MOB3B: variants seen among roughly 807,000 people sequenced by gnomAD.
The protein encoded by MOB3B is MOB kinase activator 3B, also known as MOB kinase activator-like 2B.
A neutral mutation model predicts 18.7 loss-of-function variants in MOB3B; 7 were observed. That is an observed-to-expected ratio of 0.37 (90% CI 0.21 to 0.70). The LOEUF (loss-of-function observed/expected upper bound fraction) is 0.70, where lower values mean the gene tolerates loss of function less well. MOB3B is among the 30% of genes least tolerant of loss of function. The pLI, the probability that MOB3B is intolerant of heterozygous loss-of-function variation, is 0.52. For missense variants in MOB3B, 253 were observed against 281.3 expected, an observed-to-expected ratio of 0.90 and a Z score of 0.72; for synonymous variants, 111 against 99.9, an observed-to-expected ratio of 1.11 and a Z score of -0.66.
chr9:27,524,800 C>T, intron 1 of MOB3B: 6 of 1,614,010 alleles, frequency 3.7e-6, no homozygotes, highest in Admixed American at 1.7e-5. Context: ...GCCAGGGTCC[C>T]CCAGCTGAGC....
chr9:27,469,811 C>T (rs377582036), intron 1 of MOB3B, among the ~76,000 whole-genome samples: 4 of 152,022 alleles, frequency 2.6e-5, no homozygotes, highest in East Asian at 3.9e-4. Context: ...TCGTGCCAGG[C>T]GTGGTAGCTG....
At chr9:27,349,786 A>G (rs1290862880) in intron 3 of MOB3B, among the ~76,000 whole-genome samples, 1 of 152,204 alleles carries the variant, frequency 6.6e-6, no homozygotes, top group Non-Finnish European at 1.5e-5. Flanking sequence ...ATTTATTCCT[A>G]TCAATAAAGT....
chr9:27,416,813 G>A (rs561956550), intron 2 of MOB3B, among the ~76,000 whole-genome samples: 5 of 152,104 alleles, frequency 3.3e-5, no homozygotes, highest in Non-Finnish European at 7.4e-5. Flanking sequence ...TGGGATTACC[G>A]GCATGAGCCA....
intron 1 of MOB3B, among the ~76,000 whole-genome samples, chr9:27,466,889 A>G (rs901925902): frequency 2.0e-5 from 3 of 152,210 alleles, no homozygotes; most frequent in African/African-American, 7.2e-5. Flanking sequence ...GGACACAGCC[A>G]AACCATATCA....
intron 1 of MOB3B, among the ~76,000 whole-genome samples, chr9:27,505,938 G>A (rs1011188566): frequency 6.6e-6 from 1 of 152,172 alleles, no homozygotes; most frequent in Non-Finnish European, 1.5e-5. Flanking sequence ...AGGAAATAAC[G>A]TGTCACCAAT....
At chr9:27,337,265 T>A (rs1480359940) in intron 3 of MOB3B, among the ~76,000 whole-genome samples, 2 of 152,234 alleles carry the variant, frequency 1.3e-5, no homozygotes, top group African/African-American at 2.4e-5. Flanking sequence ...AAGCCTTTCG[T>A]CTCACAAATT....
intron 1 of MOB3B, among the ~76,000 whole-genome samples, chr9:27,460,919 T>A (rs973974683): frequency 1.3e-5 from 2 of 152,208 alleles, no homozygotes; most frequent in Non-Finnish European, 2.9e-5. Flanking sequence ...AAAGTGGATC[T>A]CCTGTCTTCA....
intron 2 of MOB3B, chr9:27,397,275 C>T (rs112619315): frequency 3.4e-5 from 5 of 149,126 alleles, no homozygotes; most frequent in Admixed American, 1.3e-4. Context: ...TGAGACACTA[C>T]GATTATGAGT....
chr9:27,367,026 GC>G (rs1387079874), intron 2 of MOB3B, among the ~76,000 whole-genome samples: 15 of 152,200 alleles, frequency 9.9e-5, no homozygotes, highest in Admixed American at 9.2e-4. Context: ...CTCCAGACTG[GC>G]CACTCTGTGA....
rs1419061085 is a variant in MOB3B, at chr9:27,357,150, T to TG, written c.621+1883_621+1884insC. On this transcript the variant is annotated intron_variant, in intron 3 of 3. Coordinates refer to ENST00000262244, the MANE Select transcript of MOB3B (RefSeq NM_024761.5). ...TATATATATATATATATATATGTGTTTTTTTTTTTGCCATATATTCTCACA... is the reference window on the plus strand; with the variant it reads ...TATATATATATATATATATATGTGTTGTTTTTTTTTGCCATATATTCTCACA... Among the ~76,000 whole-genome samples the TG allele has an allele frequency of 4.6e-3, 275 of 60,146 alleles. 22 individuals are homozygous for TG. Among genetic ancestry groups the TG allele is most frequent in the South Asian group, 0.015 (17 of 1,102 alleles). The allele number at this position is 60,146 out of a possible 152,430, so 39.5% of individuals were successfully genotyped here. A position where few individuals can be genotyped will look rare whatever the true frequency, so the allele number is the denominator to read the frequency against.
chr9:27,452,826 C>G (rs1006471280), intron 2 of MOB3B, among the ~76,000 whole-genome samples: 3 of 152,118 alleles, frequency 2.0e-5, no homozygotes, highest in African/African-American at 7.2e-5. Context: ...GATTGTTGAA[C>G]TCATAGAAGT....
chr9:27,346,574 T>A (rs1821033473), intron 3 of MOB3B, among the ~76,000 whole-genome samples: 1 of 152,252 alleles, frequency 6.6e-6, no homozygotes, highest in South Asian at 2.1e-4. Flanking sequence ...TATTATATCC[T>A]CTGAAGCTGA....
At chr9:27,397,205 T>C (rs981631354) in intron 2 of MOB3B, 1 of 152,072 alleles carries the variant, frequency 6.6e-6, no homozygotes, top group African/African-American at 2.4e-5. Context: ...ATTTCTTCTA[T>C]ACGGAGGTGC....
chr9:27,508,388 C>T (rs1165082539), intron 1 of MOB3B, among the ~76,000 whole-genome samples: 2 of 152,004 alleles, frequency 1.3e-5, no homozygotes, highest in Non-Finnish European at 2.9e-5. Flanking sequence ...GAAGCTTCTC[C>T]AGAAGCTGAG....
chr9:27,517,927 G>A (rs769353232), intron 1 of MOB3B, among the ~76,000 whole-genome samples: 3 of 152,012 alleles, frequency 2.0e-5, no homozygotes, highest in Non-Finnish European at 4.4e-5. Context: ...GGCTACCTGC[G>A]GGGAGGGATG....
At chr9:27,370,916 C>T (rs961287633) in intron 2 of MOB3B, among the ~76,000 whole-genome samples, 1 of 152,066 alleles carries the variant, frequency 6.6e-6, no homozygotes, top group Non-Finnish European at 1.5e-5. Flanking sequence ...GCTATAGGCC[C>T]ACGTTTAACC....
At chr9:27,493,315 C>T (rs1819847793) in intron 1 of MOB3B, among the ~76,000 whole-genome samples, 1 of 152,114 alleles carries the variant, frequency 6.6e-6, no homozygotes, top group South Asian at 2.1e-4. Context: ...ATTTCTTATG[C>T]CTGTCTTTAC....
intron 1 of MOB3B, among the ~76,000 whole-genome samples, chr9:27,468,913 C>T (rs1230908355): frequency 6.6e-6 from 1 of 152,138 alleles, no homozygotes; most frequent in Middle Eastern, 3.2e-3. Context: ...CTAAACAGCT[C>T]CCATGTTTTC....
intron 1 of MOB3B, among the ~76,000 whole-genome samples, chr9:27,475,506 A>C (rs1819540488): frequency 6.6e-6 from 1 of 152,266 alleles, no homozygotes; most frequent in South Asian, 2.1e-4. Context: ...CCATTCATTG[A>C]TAACTAGTAT....
Sources: gnomAD v4.1 joint callset for allele counts (sites outside exome capture counted in the v4.1 genomes callset) on GRCh38, gnomAD v4.1.1 for gene constraint, MANE v1.5 for transcripts, NCBI Gene and HGNC (gene_info 2026-07-23, HGNC 2026-07-21) for gene names.